Variants in EPRS1 observed in about 807,000 individuals in gnomAD.
EPRS1 encodes the protein bifunctional glutamate/proline--tRNA ligase.
EPRS1 carries 107 observed loss-of-function variants against 188.3 expected under a neutral mutation model. That is an observed-to-expected ratio of 0.57 (90% CI 0.49 to 0.67). The LOEUF (loss-of-function observed/expected upper bound fraction) is 0.67, where lower values mean the gene tolerates loss of function less well. Ranked by LOEUF, EPRS1 falls within the 30% of genes least tolerant of loss-of-function variation. The pLI is 0.00. For missense variants in EPRS1, 1,577 were observed against 1,802.2 expected, an observed-to-expected ratio of 0.88 and a Z score of 2.26; for synonymous variants, 596 against 593.1, an observed-to-expected ratio of 1.00 and a Z score of -0.07.
Position 219,993,185 on chromosome 1 carries a change from A to T in EPRS1, c.2541+3798T>A, listed in dbSNP as rs184849131. Among the ~76,000 whole-genome samples, 37 of 150,664 alleles carry T rather than the reference A, an allele frequency of 2.5e-4. 1 individual carries two copies. Among genetic ancestry groups the T allele is most frequent in the Admixed American group, 2.2e-3 (33 of 15,164 alleles). On this transcript the variant is annotated intron_variant, in intron 18 of 31. Coordinates refer to ENST00000366923, the MANE Select transcript of EPRS1 (RefSeq NM_004446.3). ...TCGAGGCTGCAGTGAACCATGATCA[A>T]GCCACTGCACTCCAGCCTGGGCAAC... is the stretch of plus-strand genomic sequence containing the variant.
chr1:220,026,641 C>T (rs1031880971), intron 6 of EPRS1, among the ~76,000 whole-genome samples: 9 of 151,912 alleles, frequency 5.9e-5, no homozygotes, highest in African/African-American at 9.7e-5. Context: ...CACCATTCTC[C>T]TACCTCAGCC....
At chr1:219,998,568 G>T in intron 17 of EPRS1, among the ~76,000 whole-genome samples, 1 of 124,078 alleles carries the variant, frequency 8.1e-6, no homozygotes. Context: ...TTTTGAGACA[G>T]TGTCTTGCTC....
Position 220,001,210 on chromosome 1 carries a change from A to T in EPRS1, c.2109T>A (p.Pro703=). 6.2e-7 allele frequency: 1 copy of T among 1,613,960 alleles called. No individual in the cohort carries two copies. The highest frequency in any genetic ancestry group is 1.3e-5 in the African/African-American group (1 of 75,026). ...TTGGCATTTCCTTTGTGTGCCCATC[A>T]GGAATGTATATCAAAACACACGGGG... ...KEAPCVLIYI[P]DGHTKEMPTS... The change falls in exon 17 of 32, where the codon CCT becomes CCA. Residue 703 remains proline, a synonymous_variant. Coordinates refer to ENST00000366923, the MANE Select transcript of EPRS1 (RefSeq NM_004446.3).
chr1:220,000,081 T>C (rs775816737), intron 17 of EPRS1, among the ~76,000 whole-genome samples: 2 of 152,170 alleles, frequency 1.3e-5, no homozygotes, highest in Non-Finnish European at 2.9e-5. Flanking sequence ...TTTTTAGTGG[T>C]TTGCCTCAAC....
chr1:219,996,732 C>T (rs1444176492), intron 18 of EPRS1, among the ~76,000 whole-genome samples: 2 of 152,162 alleles, frequency 1.3e-5, no homozygotes, highest in African/African-American at 4.8e-5. Context: ...ATACATATCA[C>T]AAAGGATTAC....
At chr1:219,998,312 G>GT (rs758303703) in intron 17 of EPRS1, among the ~76,000 whole-genome samples, 12 of 151,958 alleles carry the variant, frequency 7.9e-5, no homozygotes, top group African/African-American at 2.9e-4. Flanking sequence ...ATCTCAAGCT[G>GT]TATCAGAGTT....
chr1:219,981,531 G>T, intron 23 of EPRS1, 74 bp from the exon 24 acceptor site: 1 of 762,280 alleles, frequency 1.3e-6, no homozygotes, highest in Non-Finnish European at 2.1e-6. Flanking sequence ...AGCTAAACCA[G>T]CAAGATAATT....
chr1:219,968,845 G>T lies in EPRS1; in HGVS notation c.4500C>A (p.Asn1500Lys). 1 of 1,614,148 alleles carries T rather than the reference G, an allele frequency of 6.2e-7. No individual in the cohort carries two copies. The highest frequency in any genetic ancestry group is 1.1e-5 in the South Asian group (1 of 91,092). Residue 1500 changes from asparagine to lysine, a missense_variant, in exon 32 of 32, where the codon AAC becomes AAA. By Grantham distance (94) the Asn-to-Lys change is moderately conservative. Around this residue, in one of 3 missense-constraint regions of EPRS1, gnomAD observed 296 missense variants for 327.9 expected, o/e 0.90. Coordinates refer to ENST00000366923, the MANE Select transcript of EPRS1 (RefSeq NM_004446.3). ...QPGAKCVCGK[N>K]PAKYYTLFGR... Reference sequence around the variant, plus strand: ...CAAATAAGGTGTAGTACTTGGCAGGGTTCTTGCCACAGACACATTTGGCTC... The same window carrying T: ...CAAATAAGGTGTAGTACTTGGCAGGTTTCTTGCCACAGACACATTTGGCTC...
At chr1:220,038,411 G>C (rs1331673421) in intron 2 of EPRS1, among the ~76,000 whole-genome samples, 1 of 6,020 alleles carries the variant, frequency 1.7e-4, no homozygotes, top group South Asian at 4.0e-3. Flanking sequence ...TTTTTTTTGA[G>C]ACAGGGTCTC....
chr1:219,985,083 C>G (rs979744727), intron 20 of EPRS1, among the ~76,000 whole-genome samples: 1 of 150,798 alleles, frequency 6.6e-6, no homozygotes. Flanking sequence ...ACAAAAACAG[C>G]AGAGACATCT....
chr1:219,985,088 A>T (rs927004690), intron 20 of EPRS1, among the ~76,000 whole-genome samples: 1 of 151,892 alleles, frequency 6.6e-6, no homozygotes, highest in African/African-American at 2.4e-5. Context: ...AACAGCAGAG[A>T]CATCTCTTAA....
intron 18 of EPRS1, among the ~76,000 whole-genome samples, chr1:219,993,709 T>A (rs1330289886): frequency 6.6e-6 from 1 of 152,232 alleles, no homozygotes; most frequent in Non-Finnish European, 1.5e-5. Flanking sequence ...TAAATAATGA[T>A]AAGCTAGTAA....
At chr1:220,026,687 T>G (rs1451998730) in intron 6 of EPRS1, among the ~76,000 whole-genome samples, 1 of 151,730 alleles carries the variant, frequency 6.6e-6, no homozygotes, top group Non-Finnish European at 1.5e-5. Context: ...CCTGCCACCA[T>G]GCCCGGCTAA....
intron 20 of EPRS1, among the ~76,000 whole-genome samples, chr1:219,986,043 A>G (rs1462155304): frequency 5.3e-5 from 8 of 152,238 alleles, no homozygotes; most frequent in Admixed American, 5.2e-4. Flanking sequence ...TCAGTTTAAT[A>G]GTCAAAAGGA....
chr1:219,972,225 T>G, intron 29 of EPRS1, 78 bp from the exon 30 acceptor site: 1 of 921,900 alleles, frequency 1.1e-6, no homozygotes, highest in Non-Finnish European at 1.7e-6. Context: ...ATAAGCACAA[T>G]TTAATGAAAA....
intron 1 of EPRS1, among the ~76,000 whole-genome samples, chr1:220,041,503 C>G (rs181639318): frequency 4.4e-4 from 67 of 152,280 alleles, no homozygotes; most frequent in African/African-American, 1.6e-3. Flanking sequence ...AAAATGGCCT[C>G]TTGACACTTA....
intron 28 of EPRS1, among the ~76,000 whole-genome samples, chr1:219,977,499 C>A (rs1660803169): frequency 6.6e-6 from 1 of 152,062 alleles, no homozygotes; most frequent in South Asian, 2.1e-4. Flanking sequence ...CCGCTAGTAG[C>A]CAGCAGTAAA....
Position 220,006,244 on chromosome 1 carries a change from G to T in EPRS1, c.1812C>A (p.Thr604=). The change falls in exon 15 of 32, where the codon ACC becomes ACA. Residue 604 remains threonine (T), a synonymous_variant. Transcript: ENST00000366923. ...TCTCTGCAAGCCAAGTGACCTTAGT[G>T]GTTTTCTTGTAGTCTTTGTTTTCCA... ...LNLENKDYKK[T]TKVTWLAETT... is the part of the protein sequence containing the mutation. 4 of 1,599,230 alleles carry T rather than the reference G, an allele frequency of 2.5e-6. No individual in the cohort carries two copies. The highest frequency in any genetic ancestry group is 3.4e-6 in the Non-Finnish European group (4 of 1,171,674).
At chr1:219,995,185 GA>G (rs1661208148) in intron 18 of EPRS1, among the ~76,000 whole-genome samples, 1 of 152,112 alleles carries the variant, frequency 6.6e-6, no homozygotes. Context: ...AATTACCAAA[GA>G]AATTTAGATC....
Sources: gnomAD v4.1 joint callset for allele counts (sites outside exome capture counted in the v4.1 genomes callset) on GRCh38, gnomAD v4.1.1 for gene constraint, gnomAD v4.1.1 regional missense constraint, MANE v1.5 for transcripts, NCBI Gene and HGNC (gene_info 2026-07-23, HGNC 2026-07-21) for gene names.